AGTPBP1: variants seen among roughly 807,000 people sequenced by gnomAD.
AGTPBP1 encodes cytosolic carboxypeptidase 1.
In AGTPBP1, 70 loss-of-function variants were observed where a neutral mutation model predicts 143.9. The observed-to-expected ratio is 0.49, with a 90% CI of 0.40 to 0.59. The LOEUF is 0.59. Ranked by LOEUF, AGTPBP1 falls within the 20% of genes least tolerant of loss-of-function variation. The pLI is 0.00. For synonymous variants in AGTPBP1, 463 were observed against 500.2 expected (o/e 0.93, Z 0.99); for missense variants, 1,229 against 1,464.5 (o/e 0.84, Z 2.62).
intron 1 of AGTPBP1, among the ~76,000 whole-genome samples, chr9:85,725,374 C>T (rs1402045314): frequency 1.3e-5 from 2 of 152,134 alleles, no homozygotes; most frequent in East Asian, 1.9e-4. Context: ...TGAACAACCT[C>T]ATTAACAATT....
chr9:85,625,607 C>T (rs138586720), intron 14 of AGTPBP1, among the ~76,000 whole-genome samples: 1 of 150,070 alleles, frequency 6.7e-6, no homozygotes, highest in East Asian at 1.9e-4. Flanking sequence ...TTTTTTTTGC[C>T]GGGCACGGTG....
intron 23 of AGTPBP1, among the ~76,000 whole-genome samples, chr9:85,582,617 C>G (rs1037237227): frequency 2.0e-5 from 3 of 151,770 alleles, no homozygotes; most frequent in African/African-American, 7.3e-5. Context: ...GAGACGGAGG[C>G]TGCAGTGAGC....
rs146217165 is a variant in AGTPBP1, at chr9:85,679,795, T to A, written c.226-1397A>T. On this transcript the variant is annotated intron_variant, in intron 4 of 25. Coordinates refer to ENST00000357081, the MANE Select transcript of AGTPBP1 (RefSeq NM_001330701.2). ...TTTTCCAAGTATCCATGGTGTTTTT[T>A]TTCTACATCCTTTTGTTAATATAGT... 1.5e-4 allele frequency among the ~76,000 whole-genome samples: 23 copies of A among 152,330 alleles called. 1 individual carries two copies. Among genetic ancestry groups the A allele is most frequent in the African/African-American group, 5.5e-4 (23 of 41,578 alleles).
intron 25 of AGTPBP1, among the ~76,000 whole-genome samples, chr9:85,564,345 T>C (rs961414124): frequency 2.7e-4 from 41 of 152,248 alleles, no homozygotes; most frequent in African/African-American, 9.9e-4. Context: ...GTCCTGTTCT[T>C]GTCCTACCAT....
chr9:85,739,727 A>T (rs1316543970), intron 1 of AGTPBP1, among the ~76,000 whole-genome samples: 6 of 150,800 alleles, frequency 4.0e-5, no homozygotes, highest in Admixed American at 4.0e-4. Flanking sequence ...AAAAAAAAAA[A>T]TTCAGGCCAA....
intron 2 of AGTPBP1, among the ~76,000 whole-genome samples, chr9:85,708,886 G>T (rs1300492776): frequency 6.6e-6 from 1 of 152,028 alleles, no homozygotes; most frequent in East Asian, 1.9e-4. Context: ...AAGACAAGGT[G>T]CCTTAACTGA....
chr9:85,694,227 C>T (rs1002504998), intron 2 of AGTPBP1, among the ~76,000 whole-genome samples: 3 of 152,192 alleles, frequency 2.0e-5, no homozygotes, highest in African/African-American at 4.8e-5. Flanking sequence ...ACAATCCACT[C>T]GTACACTTGC....
the AGTPBP1 span, among the ~76,000 whole-genome samples, chr9:85,789,384 G>A: frequency 6.6e-6 from 1 of 151,976 alleles, no homozygotes; most frequent in African/African-American, 2.4e-5. Flanking sequence ...TAAACATTTT[G>A]TCACTTTATT....
intron 2 of AGTPBP1, among the ~76,000 whole-genome samples, chr9:85,700,073 T>A (rs1587931386): frequency 6.6e-6 from 1 of 152,282 alleles, no homozygotes; most frequent in East Asian, 1.9e-4. Context: ...TCACACATCA[T>A]GAGGCCTCTG....
chr9:85,706,702 C>G (rs1837029322), intron 2 of AGTPBP1, among the ~76,000 whole-genome samples: 1 of 151,578 alleles, frequency 6.6e-6, no homozygotes. Context: ...AACCTCATCT[C>G]TACTAAAAAT....
the AGTPBP1 span, among the ~76,000 whole-genome samples, chr9:85,755,266 A>G: frequency 1.3e-5 from 2 of 151,968 alleles, no homozygotes; most frequent in South Asian, 2.1e-4. Context: ...TTCTTTTCCT[A>G]TTTATTTGTT....
At chr9:85,634,599 C>G (rs1316211663) in intron 13 of AGTPBP1, among the ~76,000 whole-genome samples, 1 of 152,120 alleles carries the variant, frequency 6.6e-6, no homozygotes, top group African/African-American at 2.4e-5. Flanking sequence ...AGATCAGATC[C>G]TAGTGCAGGG....
At chr9:85,566,570 C>T (rs563345105) in intron 25 of AGTPBP1, among the ~76,000 whole-genome samples, 419 of 143,206 alleles carry the variant, frequency 2.9e-3, no homozygotes, top group African/African-American at 0.011. Flanking sequence ...GAAAAGTACA[C>T]ACTTTCAGGT....
rs778525987 is a variant in AGTPBP1 at position 85,642,993 on chromosome 9, A to G, written c.1186-50T>C. ...ATCAGGTAAAACAAAATTTTTAAAA[A>G]TTACAGAAAACATTTTAGATTTAAA... On this transcript the variant is annotated intron_variant, in intron 12 of 25. Transcript: ENST00000357081. The G allele has an allele frequency of 9.0e-6, 11 of 1,226,920 alleles. No homozygotes were observed. The African/African-American group carries it at 1.7e-4, about 19-fold the overall frequency. 76.0% of individuals were successfully genotyped at this position (1,226,920 alleles called of 1,614,324 possible). A position where few individuals can be genotyped will look rare whatever the true frequency, so the allele number is the denominator to read the frequency against.
chr9:85,707,116 T>C (rs763980921), intron 2 of AGTPBP1, among the ~76,000 whole-genome samples: 29 of 152,074 alleles, frequency 1.9e-4, no homozygotes, highest in Middle Eastern at 3.4e-3. Context: ...CCTCAAATAT[T>C]TGGAAAGTAA....
At chr9:85,736,881 C>CGG (rs773295627) in intron 1 of AGTPBP1, among the ~76,000 whole-genome samples, 40 of 152,286 alleles carry the variant, frequency 2.6e-4, no homozygotes, top group Non-Finnish European at 4.6e-4. Flanking sequence ...CGGACACAGG[C>CGG]GGATCACAAG....
intron 17 of AGTPBP1, among the ~76,000 whole-genome samples, chr9:85,598,028 A>G (rs998740345): frequency 1.3e-5 from 2 of 152,142 alleles, no homozygotes; most frequent in Non-Finnish European, 1.5e-5. Flanking sequence ...AGCACCATCT[A>G]TTTTTTAAAG....
chr9:85,799,128 A>G, the AGTPBP1 span, among the ~76,000 whole-genome samples: 1 of 152,088 alleles, frequency 6.6e-6, no homozygotes, highest in South Asian at 2.1e-4. Context: ...GATGGTTTCC[A>G]GCTTCATTCA....
chr9:85,681,126 A>G (rs1256060738), intron 4 of AGTPBP1, 142 bp downstream of exon 4: 3 of 750,078 alleles, frequency 4.0e-6, no homozygotes, highest in Middle Eastern at 3.1e-4. Flanking sequence ...CTCTAAAACA[A>G]AAATTATTAC....
Sources: gnomAD v4.1 joint callset for allele counts (sites outside exome capture counted in the v4.1 genomes callset) on GRCh38, gnomAD v4.1.1 for gene constraint, MANE v1.5 for transcripts, NCBI Gene and HGNC (gene_info 2026-07-23, HGNC 2026-07-21) for gene names.